PCMTD1: variants seen among roughly 807,000 people sequenced by gnomAD.
The protein encoded by PCMTD1 is protein-L-isoaspartate (D-aspartate) O-methyltransferase domain containing 1, also known as protein-L-isoaspartate O-methyltransferase domain-containing protein 1.
A neutral mutation model predicts 37.6 loss-of-function variants in PCMTD1; 12 were observed. The ratio of observed to expected loss-of-function variants is 0.32; its 90% CI spans 0.20 to 0.52. The LOEUF is 0.52. Ranked by LOEUF, PCMTD1 falls within the 20% of genes least tolerant of loss-of-function variation. The pLI is 0.97. For synonymous variants in PCMTD1, 117 were observed against 135.8 expected (o/e 0.86, Z 0.96); for missense variants, 235 against 421.3 (o/e 0.56, Z 3.87).
At chr8:51,829,945 C>T (rs945973611) in intron 5 of PCMTD1, among the ~76,000 whole-genome samples, 3 of 152,068 alleles carry the variant, frequency 2.0e-5, no homozygotes, top group Non-Finnish European at 4.4e-5. Context: ...TCAAGAGGTT[C>T]CTTTTTGGTA....
rs117334240 is a variant in PCMTD1, at chr8:51,820,495, C to T, written c.930G>A (p.Glu310=). The part of the protein sequence containing the change: ...LDSEEDEKME[E]DNKEEEEKDH... ...CTTTTTCCTCCTCTTCTTTGTTATC[C>T]TCTTCCATTTTTTCATCCTCTTCAC... The change falls in exon 6 of 6, where the codon GAG becomes GAA. Residue 310 remains glutamate, a synonymous_variant. Transcript: ENST00000522514. 6.2e-7 allele frequency: 1 copy of T among 1,613,870 alleles called. No homozygotes were observed. The highest frequency in any genetic ancestry group is 8.5e-7 in the Non-Finnish European group (1 of 1,179,902).
chr8:51,872,560 G>T (rs1464300644), intron 1 of PCMTD1, among the ~76,000 whole-genome samples: 1 of 152,082 alleles, frequency 6.6e-6, no homozygotes, highest in Non-Finnish European at 1.5e-5. Context: ...ATAGTTCTTA[G>T]GATGTGTACT....
At chr8:51,877,008 A>G (rs551775102) in intron 1 of PCMTD1, among the ~76,000 whole-genome samples, 2 of 152,348 alleles carry the variant, frequency 1.3e-5, no homozygotes, top group South Asian at 4.1e-4. Flanking sequence ...TAACTTCACA[A>G]TGGAGAAACC....
intron 5 of PCMTD1, among the ~76,000 whole-genome samples, chr8:51,825,264 A>G (rs890310353): frequency 6.6e-6 from 1 of 152,234 alleles, no homozygotes; most frequent in Non-Finnish European, 1.5e-5. Context: ...GACAACCTAC[A>G]GAATGGGAGA....
At chr8:51,827,953 G>A (rs1444702559) in intron 5 of PCMTD1, among the ~76,000 whole-genome samples, 1 of 147,896 alleles carries the variant, frequency 6.8e-6, no homozygotes, top group Admixed American at 7.0e-5. Flanking sequence ...TTAAAATGAG[G>A]CAAAATGCAA....
chr8:51,833,220 A>G (rs968052832), intron 4 of PCMTD1, among the ~76,000 whole-genome samples: 1 of 152,118 alleles, frequency 6.6e-6, no homozygotes, highest in Non-Finnish European at 1.5e-5. Flanking sequence ...ATCACATTCA[A>G]CTTCTGGGTA....
intron 1 of PCMTD1, among the ~76,000 whole-genome samples, chr8:51,872,293 C>T (rs2038650886): frequency 1.3e-5 from 2 of 152,142 alleles, no homozygotes; most frequent in African/African-American, 4.8e-5. Context: ...TTACCAACAC[C>T]CTCTACATGC....
chr8:51,852,416 G>C (rs2038321467), intron 2 of PCMTD1, among the ~76,000 whole-genome samples: 1 of 152,192 alleles, frequency 6.6e-6, no homozygotes, highest in Non-Finnish European at 1.5e-5. Context: ...GGTAGGGAAT[G>C]ATGCATACCA....
chr8:51,879,210 T>C (rs1217432836), intron 1 of PCMTD1, among the ~76,000 whole-genome samples: 1 of 151,400 alleles, frequency 6.6e-6, no homozygotes, highest in African/African-American at 2.4e-5. Context: ...AGCTCACTCC[T>C]AGATCTGTCA....
intron 1 of PCMTD1, among the ~76,000 whole-genome samples, chr8:51,865,995 C>G (rs1214669009): frequency 6.6e-6 from 1 of 151,580 alleles, no homozygotes; most frequent in African/African-American, 2.4e-5. Context: ...ACATAAAAGT[C>G]AGTAGCATTT....
intron 2 of PCMTD1, among the ~76,000 whole-genome samples, chr8:51,855,754 G>T (rs1460504716): frequency 1.3e-5 from 2 of 151,806 alleles, no homozygotes; most frequent in East Asian, 3.9e-4. Context: ...CGCCTCCCGG[G>T]TTCACACCAT....
rs880181 is a variant in PCMTD1, at chr8:51,894,447, A to G, written c.-96+4483T>C. ...CAAGAACACAGACTTGGAAGAAGAC[A>G]TGGTTGGGATTCAAATCCCAGAGCT... On this transcript the variant is annotated intron_variant, in intron 1 of 5. Coordinates refer to ENST00000522514, the MANE Select transcript of PCMTD1 (RefSeq NM_052937.4). 8.8e-4 allele frequency among the ~76,000 whole-genome samples: 134 copies of G among 152,342 alleles called. 2 individuals are homozygous for G. The South Asian group carries it at 0.027, about 30-fold the overall frequency.
chr8:51,835,119 G>A (rs764488938), intron 3 of PCMTD1, among the ~76,000 whole-genome samples: 2 of 152,130 alleles, frequency 1.3e-5, no homozygotes, highest in African/African-American at 4.8e-5. Flanking sequence ...CAGCCTGAAC[G>A]TACTACTCTG....
At chr8:51,887,223 G>A (rs1280154081) in intron 1 of PCMTD1, among the ~76,000 whole-genome samples, 2 of 152,010 alleles carry the variant, frequency 1.3e-5, no homozygotes, top group South Asian at 4.1e-4. Context: ...CAGGTTCCAG[G>A]GATTAGAACA....
At chr8:51,843,381 A>T (rs1159606936) in intron 3 of PCMTD1, among the ~76,000 whole-genome samples, 3 of 152,164 alleles carry the variant, frequency 2.0e-5, no homozygotes, top group Non-Finnish European at 4.4e-5. Context: ...CATGAATGTA[A>T]GAATCTGTTT....
Position 51,845,685 on chromosome 8 carries a change from A to G in PCMTD1, c.386T>C (p.Ile129Thr). Reference sequence around the variant, plus strand: ...CTTATCAAAGCTATCACTATTTTTGATGAAGCTCTCCAGTTTTTCCTTGGC... The same window carrying G: ...CTTATCAAAGCTATCACTATTTTTGGTGAAGCTCTCCAGTTTTTCCTTGGC... ...EYAKEKLESF[I>T]KNSDSFDKFE... Residue 129 changes from isoleucine to threonine, a missense_variant, in exon 3 of 6, where the codon ATC (isoleucine) becomes ACC (threonine). Around this residue, in one of 3 missense-constraint regions of PCMTD1, gnomAD observed 183 missense variants for 349.3 expected, o/e 0.52. Transcript: ENST00000522514. 1 of 1,612,634 alleles carries G rather than the reference A, an allele frequency of 6.2e-7. No individual in the cohort carries two copies. Among genetic ancestry groups the G allele is most frequent in the Non-Finnish European group, 8.5e-7 (1 of 1,179,250 alleles).
At chr8:51,870,623 T>A (rs760317124) in intron 1 of PCMTD1, among the ~76,000 whole-genome samples, 1 of 152,178 alleles carries the variant, frequency 6.6e-6, no homozygotes, top group African/African-American at 2.4e-5. Flanking sequence ...CATACTTCTA[T>A]GAAGAGTCAC....
At chr8:51,852,673 A>T (rs1290665272) in intron 2 of PCMTD1, among the ~76,000 whole-genome samples, 1 of 152,224 alleles carries the variant, frequency 6.6e-6, no homozygotes, top group South Asian at 2.1e-4. Flanking sequence ...GAGGAAGAGA[A>T]GGAAAATATT....
intron 5 of PCMTD1, 134 bp from the exon 6 acceptor site, chr8:51,820,852 T>TGTTA: frequency 9.3e-7 from 1 of 1,071,358 alleles, no homozygotes; most frequent in Non-Finnish European, 1.3e-6. Context: ...ACTCTACCTT[T>TGTTA]CATCTAACAA....
Sources: allele counts gnomAD v4.1 joint callset (sites outside exome capture counted in the v4.1 genomes callset), GRCh38; gene constraint gnomAD v4.1.1; regional missense constraint gnomAD v4.1.1; transcripts MANE v1.5; gene names NCBI Gene and HGNC (gene_info 2026-07-23, HGNC 2026-07-21).